Variants in CCDC81 observed in about 807,000 individuals in gnomAD.
The protein encoded by CCDC81 is coiled-coil domain containing 81.
A neutral mutation model predicts 83.7 loss-of-function variants in CCDC81; 79 were observed. That is an observed-to-expected ratio of 0.94 (90% CI 0.79 to 1.14). The LOEUF (loss-of-function observed/expected upper bound fraction) is 1.14, where lower values mean the gene tolerates loss of function less well. CCDC81 is among the 50% of genes most tolerant of loss of function. CCDC81 has a pLI of 0.00. For synonymous variants in CCDC81, 252 were observed against 278.1 expected (o/e 0.91, Z 0.93); for missense variants, 791 against 778.1 (o/e 1.02, Z -0.20).
At chr11:86,387,191 A>G (rs1948254151) in intron 2 of CCDC81, among the ~76,000 whole-genome samples, 1 of 152,224 alleles carries the variant, frequency 6.6e-6, no homozygotes, top group Non-Finnish European at 1.5e-5. Context: ...AAAATTTAAA[A>G]TGTCACACAA....
Position 86,375,233 on chromosome 11 carries a change from A to G in CCDC81, c.70A>G (p.Ser24Gly). The stretch of plus-strand genomic sequence containing the variant: ...GGTGCTGCCCACTCTGCCCTCGCTG[A>G]GCCAGGAGGGTAAGCGTGTTGGGTA... ...RQVLPTLPSL[S>G]QEEVSIIWGN... is the part of the protein sequence containing the mutation. The change falls in exon 1 of 15, where the codon AGC becomes GGC. Residue 24 changes from serine (S) to glycine (G), a missense_variant. Ser to Gly is a moderately conservative substitution (Grantham distance 56). Coordinates refer to ENST00000445632, the MANE Select transcript of CCDC81 (RefSeq NM_001156474.2). The G allele has an allele frequency of 6.2e-7, 1 of 1,610,486 alleles. No individual in the cohort carries two copies. The highest frequency in any genetic ancestry group is 8.5e-7 in the Non-Finnish European group (1 of 1,179,676).
At chr11:86,381,457 G>A (rs1157070863) in intron 1 of CCDC81, among the ~76,000 whole-genome samples, 1 of 152,100 alleles carries the variant, frequency 6.6e-6, no homozygotes, top group East Asian at 1.9e-4. Flanking sequence ...TAAAATATGT[G>A]GGGACCCTCC....
chr11:86,403,798 C>T (rs1212097935), intron 7 of CCDC81, among the ~76,000 whole-genome samples: 1 of 152,088 alleles, frequency 6.6e-6, no homozygotes, highest in Admixed American at 6.5e-5. Flanking sequence ...ATAGGACTTT[C>T]ATTGTTTAAC....
chr11:86,388,651 A>G (rs1190015453), intron 3 of CCDC81, among the ~76,000 whole-genome samples: 1 of 152,238 alleles, frequency 6.6e-6, no homozygotes, highest in Non-Finnish European at 1.5e-5. Flanking sequence ...TTTCTTAGGT[A>G]TATATTCAGT....
chr11:86,405,100 T>C (rs957226439), intron 7 of CCDC81, among the ~76,000 whole-genome samples: 2 of 152,202 alleles, frequency 1.3e-5, no homozygotes, highest in East Asian at 1.9e-4. Context: ...AAATCCTCAC[T>C]ATTTTTTTCT....
At chr11:86,421,910 CAA>C (rs558739434) in intron 14 of CCDC81, among the ~76,000 whole-genome samples, 18 of 94,072 alleles carry the variant, frequency 1.9e-4, no homozygotes, top group Admixed American at 4.8e-4. Flanking sequence ...GACCTAGTCT[CAA>C]AAAAAAAAAA....
chr11:86,378,284 A>G (rs1448368853), intron 1 of CCDC81, among the ~76,000 whole-genome samples: 1 of 151,932 alleles, frequency 6.6e-6, no homozygotes, highest in Admixed American at 6.6e-5. Context: ...TTTTCCACTT[A>G]TCTTTCTCTT....
At chr11:86,387,140 G>T (rs1948253345) in intron 2 of CCDC81, among the ~76,000 whole-genome samples, 2 of 152,198 alleles carry the variant, frequency 1.3e-5, no homozygotes. Flanking sequence ...AGAAAGCAGA[G>T]ATTCTCATGC....
At position 86,415,226 on chromosome 11, in the gene CCDC81, C is replaced by A; in HGVS notation, c.1604C>A (p.Ala535Glu). The change falls in exon 13 of 15, where the codon GCA (alanine) becomes GAA (glutamate). Residue 535 changes from alanine (A) to glutamate (E), a missense_variant. Coordinates refer to ENST00000445632, the MANE Select transcript of CCDC81 (RefSeq NM_001156474.2). ...AATTACATGAAACACCAGCTGGAGG[C>A]AGCTGCTAACCACAAGAGGAAAGCC... ...EQNYMKHQLE[A>E]AANHKRKAIL... 6.2e-7 allele frequency: 1 copy of A among 1,614,186 alleles called. No homozygotes were observed.
At chr11:86,405,775 CTTCTT>C (rs1948557084) in intron 7 of CCDC81, among the ~76,000 whole-genome samples, 1 of 144,284 alleles carries the variant, frequency 6.9e-6, no homozygotes, top group Non-Finnish European at 1.5e-5. Flanking sequence ...ACCATCATTT[CTTCTT>C]TTTTCTTTTT....
At chr11:86,399,407 T>C (rs1232882734) in intron 6 of CCDC81, among the ~76,000 whole-genome samples, 2 of 152,070 alleles carry the variant, frequency 1.3e-5, no homozygotes, top group African/African-American at 2.4e-5. Flanking sequence ...CCTCAACCTC[T>C]TGGGCTCAGG....
At chr11:86,393,528 C>T (rs1440991639) in intron 4 of CCDC81, among the ~76,000 whole-genome samples, 1 of 152,176 alleles carries the variant, frequency 6.6e-6, no homozygotes, top group East Asian at 1.9e-4. Context: ...GCCCAGACTT[C>T]CTAACCACTT....
intron 1 of CCDC81, among the ~76,000 whole-genome samples, chr11:86,378,923 C>T (rs1948135644): frequency 2.0e-5 from 3 of 152,052 alleles, no homozygotes; most frequent in Admixed American, 2.0e-4. Context: ...CTCCAGCAAT[C>T]TTTGTCTTTT....
chr11:86,407,601 A>G lies in CCDC81; in HGVS notation c.882-13A>G. On this transcript the variant is annotated splice_polypyrimidine_tract_variant and intron_variant, in intron 7 of 14. Coordinates refer to ENST00000445632, the MANE Select transcript of CCDC81 (RefSeq NM_001156474.2). ...TGTATTAAACATTAATTAATGTTGCATTGTTTTTATAGCTTATCATATCCA... is the reference window on the plus strand; with the variant it reads ...TGTATTAAACATTAATTAATGTTGCGTTGTTTTTATAGCTTATCATATCCA... 2.5e-6 allele frequency: 4 copies of G among 1,577,124 alleles called. No homozygotes were observed. Among genetic ancestry groups the G allele is most frequent in the South Asian group, 2.2e-5 (2 of 89,344 alleles).
intron 10 of CCDC81, among the ~76,000 whole-genome samples, chr11:86,411,589 T>G (rs1450290629): frequency 6.6e-6 from 1 of 152,178 alleles, no homozygotes; most frequent in African/African-American, 2.4e-5. Flanking sequence ...AGGTATTCAG[T>G]TTGCCCTCCT....
At position 86,414,791 on chromosome 11, in the gene CCDC81, T is replaced by C. The variant is rs747201114; in HGVS notation, c.1394T>C (p.Leu465Pro). 2 of 1,607,838 alleles carry C rather than the reference T, an allele frequency of 1.2e-6. No homozygotes were observed. The highest frequency in any genetic ancestry group is 1.7e-6 in the Non-Finnish European group (2 of 1,178,354). Reference protein sequence around the residue: ...RLEQVQLTEELAAQRAKFLKD... With the variant: ...RLEQVQLTEEPAAQRAKFLKD... ...CTTCTCTTGTTCTTAACTGCCAGAC[T>C]TGCTGCGCAAAGAGCGAAATTTTTA... Residue 465 changes from leucine (L) to proline (P), a missense_variant and splice_region_variant, in exon 12 of 15, where the codon CTT becomes CCT. Coordinates refer to ENST00000445632, the MANE Select transcript of CCDC81 (RefSeq NM_001156474.2).
At position 86,422,913 on chromosome 11, in the gene CCDC81, T is replaced by G; in HGVS notation, c.*198T>G. ...ACCCCCAATTATTTCCTATACTAGT[T>G]TCTGATGGCAGTGAAGGTGTCTGAA... On this transcript the variant is annotated 3_prime_UTR_variant, in exon 15 of 15. Transcript: ENST00000445632. 2 of 565,560 alleles carry G rather than the reference T, an allele frequency of 3.5e-6. No homozygotes were observed. Among genetic ancestry groups the G allele is most frequent in the East Asian group, 3.2e-5 (1 of 31,558 alleles). The allele number at this position is 565,560 out of a possible 1,614,324, so 35.0% of individuals were successfully genotyped here. A position where few individuals can be genotyped will look rare whatever the true frequency, so the allele number is the denominator to read the frequency against.
At chr11:86,380,258 G>T (rs1225887674) in intron 1 of CCDC81, among the ~76,000 whole-genome samples, 1 of 152,070 alleles carries the variant, frequency 6.6e-6, no homozygotes, top group East Asian at 1.9e-4. Flanking sequence ...CTCAACACTT[G>T]AAATGTCTTA....
rs752949904 is a variant in CCDC81 at position 86,420,105 on chromosome 11, C to A, written c.1817+52C>A. 16 of 1,589,444 alleles carry A rather than the reference C, an allele frequency of 1.0e-5. No homozygotes were observed. The South Asian group carries it at 1.8e-4, about 18-fold the overall frequency. On this transcript the variant is annotated intron_variant, in intron 14 of 14. Transcript: ENST00000445632. The stretch of plus-strand genomic sequence containing the variant: ...TCTCCTGCTCCTTGTGGGACAGCAA[C>A]AGGTTTCAAGTGGAACTCCACTTGA...
Sources: gnomAD v4.1 joint callset for allele counts (sites outside exome capture counted in the v4.1 genomes callset) on GRCh38, gnomAD v4.1.1 for gene constraint, MANE v1.5 for transcripts, NCBI Gene and HGNC (gene_info 2026-07-23, HGNC 2026-07-21) for gene names.